CFAP61: variants seen among roughly 807,000 people sequenced by gnomAD.
CFAP61 encodes the protein cilia- and flagella-associated protein 61.
CFAP61 carries 107 observed loss-of-function variants against 135.6 expected under a neutral mutation model. The ratio of observed to expected loss-of-function variants is 0.79; its 90% CI spans 0.67 to 0.93. The LOEUF (loss-of-function observed/expected upper bound fraction) is 0.93. Ranked by LOEUF, CFAP61 falls within the 40% of genes least tolerant of loss-of-function variation. CFAP61 has a pLI of 0.00. For missense variants in CFAP61, 1,507 were observed against 1,556.2 expected (o/e 0.97, Z 0.53); for synonymous variants, 575 against 578.5 (o/e 0.99, Z 0.09).
intron 3 of CFAP61, among the ~76,000 whole-genome samples, chr20:20,072,348 C>T (rs1446651318): frequency 1.3e-5 from 2 of 151,866 alleles, no homozygotes; most frequent in East Asian, 1.9e-4. Flanking sequence ...ATCTCCTGAC[C>T]TCGTGATCCA....
At chr20:20,054,524 A>G (rs985425922) in intron 1 of CFAP61, among the ~76,000 whole-genome samples, 14 of 152,254 alleles carry the variant, frequency 9.2e-5, no homozygotes, top group African/African-American at 2.9e-4. Flanking sequence ...AAAATTATAC[A>G]TAAGTCAACT....
At chr20:20,104,787 T>G (rs905306746) in intron 8 of CFAP61, among the ~76,000 whole-genome samples, 2 of 152,184 alleles carry the variant, frequency 1.3e-5, no homozygotes, top group African/African-American at 4.8e-5. Context: ...AGGGGTCAGT[T>G]TCTTTTGAGG....
At chr20:20,312,315 C>T (rs2056881090) in intron 25 of CFAP61, among the ~76,000 whole-genome samples, 1 of 152,042 alleles carries the variant, frequency 6.6e-6, no homozygotes, top group South Asian at 2.1e-4. Context: ...ATGTGGAAAA[C>T]ACATAAAAGA....
intron 18 of CFAP61, among the ~76,000 whole-genome samples, chr20:20,241,938 T>C (rs1339469690): frequency 6.6e-6 from 1 of 152,210 alleles, no homozygotes; most frequent in East Asian, 1.9e-4. Flanking sequence ...TTCTTATTAT[T>C]AGAGGATAAG....
intron 25 of CFAP61, among the ~76,000 whole-genome samples, chr20:20,308,191 C>G (rs2056591639): frequency 6.6e-6 from 1 of 152,120 alleles, no homozygotes; most frequent in African/African-American, 2.4e-5. Context: ...TGCTGTAGGC[C>G]AGTTGCATCC....
rs562669946 is a variant in CFAP61 at position 20,052,810 on chromosome 20, C to T, written c.-37+219C>T. The T allele has an allele frequency of 1.1e-4, 143 of 1,331,674 alleles. 1 individual carries two copies. The East Asian group carries it at 1.2e-3, about 11-fold the overall frequency. 82.5% of individuals were successfully genotyped at this position (1,331,674 alleles called of 1,614,324 possible). A position where few individuals can be genotyped will look rare whatever the true frequency, so the allele number is the denominator to read the frequency against. On this transcript the variant is annotated intron_variant, in intron 1 of 26. Transcript: ENST00000245957. ...CGAGGAAACTACCATTCCCAGCATG[C>T]GACGGGGCGAGCTGCCGCCCTTTTA...
At chr20:20,333,481 T>C (rs529370727) in intron 25 of CFAP61, among the ~76,000 whole-genome samples, 4 of 152,294 alleles carry the variant, frequency 2.6e-5, no homozygotes, top group Non-Finnish European at 4.4e-5. Context: ...TGAGCTGAGA[T>C]GGAGAGACCA....
rs149455684 is a variant in CFAP61 at position 20,070,115 on chromosome 20, A to T, written c.144-739A>T. ...CAAGACAGGGTAGCAGTTGGGAGGG[A>T]TTGTCAAGATAGTCCCTCTGAGACA... On this transcript the variant is annotated intron_variant, in intron 2 of 26. Transcript: ENST00000245957. 6.9e-3 allele frequency among the ~76,000 whole-genome samples: 1,048 copies of T among 152,156 alleles called. 8 individuals carry two copies. Among genetic ancestry groups the T allele is most frequent in the African/African-American group, 0.024 (992 of 41,524 alleles).
chr20:20,093,039 T>C (rs1402460652), intron 7 of CFAP61, among the ~76,000 whole-genome samples: 1 of 152,202 alleles, frequency 6.6e-6, no homozygotes, highest in Non-Finnish European at 1.5e-5. Context: ...TTATTCATAA[T>C]AGCCAAAAAG....
Position 20,360,517 on chromosome 20 carries a change from C to T in CFAP61, c.*107C>T. 2 of 1,024,766 alleles carry T rather than the reference C, an allele frequency of 2.0e-6. No individual in the cohort carries two copies. Among genetic ancestry groups the T allele is most frequent in the South Asian group, 1.5e-5 (1 of 67,146 alleles). The allele number at this position is 1,024,766 out of a possible 1,614,324, so 63.5% of individuals were successfully genotyped here. A position where few individuals can be genotyped will look rare whatever the true frequency, so the allele number is the denominator to read the frequency against. On this transcript the variant is annotated 3_prime_UTR_variant, in exon 27 of 27. Transcript: ENST00000245957. ...CAGCCTGGTTTGACAGCGAAGCCAG[C>T]CCCTGGTGGTTTTGTTCATTCCTTT... is the stretch of plus-strand genomic sequence containing the variant.
intron 19 of CFAP61, among the ~76,000 whole-genome samples, chr20:20,248,200 A>G (rs2146978712): frequency 6.6e-6 from 1 of 152,316 alleles, no homozygotes; most frequent in African/African-American, 2.4e-5. Context: ...GGGTCTAAAT[A>G]ACACAGCCAG....
intron 17 of CFAP61, among the ~76,000 whole-genome samples, chr20:20,227,945 C>A (rs1237401434): frequency 6.6e-6 from 1 of 152,178 alleles, no homozygotes; most frequent in Non-Finnish European, 1.5e-5. Flanking sequence ...GTGTTACTTA[C>A]TAGTTGTCTC....
At chr20:20,311,707 T>C (rs1394515249) in intron 25 of CFAP61, among the ~76,000 whole-genome samples, 1 of 152,008 alleles carries the variant, frequency 6.6e-6, no homozygotes, top group African/African-American at 2.4e-5. Context: ...AGAGAGAAGC[T>C]TGGAGATGTG....
rs557085834 is a variant in CFAP61 at position 20,207,017 on chromosome 20, C to T, written c.1932+7115C>T. Among the ~76,000 whole-genome samples the T allele has an allele frequency of 2.6e-5, 4 of 152,158 alleles. No homozygotes were observed. The East Asian group carries it at 7.7e-4, about 29-fold the overall frequency. ...TTCAGAAGTAGAGTTTCCACCACTC[C>T]AAGAGAGCTTCATACACACATTTGA... is the stretch of plus-strand genomic sequence containing the variant. On this transcript the variant is annotated intron_variant, in intron 17 of 26. Transcript: ENST00000245957.
intron 6 of CFAP61, chr20:20,085,176 C>T: frequency 2.0e-6 from 2 of 985,464 alleles, no homozygotes; most frequent in Non-Finnish European, 2.4e-6. Context: ...GCATGTGACG[C>T]TGCGGTGCCA....
At chr20:20,079,841 G>T (rs560097045) in intron 6 of CFAP61, among the ~76,000 whole-genome samples, 22 of 152,272 alleles carry the variant, frequency 1.4e-4, no homozygotes, top group African/African-American at 5.1e-4. Flanking sequence ...TGTATGAAAT[G>T]ACATTTTTAA....
chr20:20,304,266 CG>C (rs1171509474), intron 25 of CFAP61, among the ~76,000 whole-genome samples: 2 of 98,112 alleles, frequency 2.0e-5, no homozygotes, highest in Non-Finnish European at 4.4e-5. Context: ...AATCCACCAT[CG>C]GTGACTGTGT....
intron 18 of CFAP61, among the ~76,000 whole-genome samples, chr20:20,235,285 G>T (rs1221531364): frequency 6.6e-6 from 1 of 151,936 alleles, no homozygotes; most frequent in Admixed American, 6.5e-5. Context: ...AAACTCTCAG[G>T]AGCCTCTCAG....
chr20:20,287,868 TGA>T (rs1438760303), intron 22 of CFAP61, among the ~76,000 whole-genome samples: 4 of 152,184 alleles, frequency 2.6e-5, no homozygotes, highest in Non-Finnish European at 5.9e-5. Context: ...GATGTCCAGA[TGA>T]GCATGAGAAA....
Sources: allele counts gnomAD v4.1 joint callset (sites outside exome capture counted in the v4.1 genomes callset), GRCh38; gene constraint gnomAD v4.1.1; transcripts MANE v1.5; gene names NCBI Gene and HGNC (gene_info 2026-07-23, HGNC 2026-07-21).